The following SLC16A7 variants were observed in gnomAD, a reference collection of about 807,000 sequenced individuals.
SLC16A7 encodes the protein solute carrier family 16 member 7, also known as monocarboxylate transporter 2.
In SLC16A7, 33 loss-of-function variants were observed where a neutral mutation model predicts 34.9. The observed-to-expected ratio is 0.94, with a 90% CI of 0.72 to 1.26. The LOEUF (loss-of-function observed/expected upper bound fraction) is 1.26, where lower values mean the gene tolerates loss of function less well. Among genes scored for constraint, SLC16A7 ranks in the 50% most tolerant of loss-of-function variants. SLC16A7 has a pLI of 0.00. For missense variants in SLC16A7, 573 were observed against 578.1 expected (o/e 0.99, Z 0.09); for synonymous variants, 201 against 206.6 (o/e 0.97, Z 0.23).
chr12:59,772,709 A>G (rs1230555715), intron 4 of SLC16A7, among the ~76,000 whole-genome samples: 4 of 152,194 alleles, frequency 2.6e-5, no homozygotes, highest in African/African-American at 9.6e-5. Flanking sequence ...AATTAGATAA[A>G]TAATAGCTCT....
At chr12:59,638,105 G>A (rs1013726715) in intron 1 of SLC16A7, among the ~76,000 whole-genome samples, 2 of 152,036 alleles carry the variant, frequency 1.3e-5, no homozygotes, top group African/African-American at 2.4e-5. Flanking sequence ...CTGTCTATTC[G>A]ATAAAGAATA....
At chr12:59,751,866 C>T (rs1404484883) in intron 3 of SLC16A7, among the ~76,000 whole-genome samples, 3 of 152,148 alleles carry the variant, frequency 2.0e-5, no homozygotes, top group African/African-American at 7.2e-5. Flanking sequence ...GCAGTTGGGG[C>T]AGACTGACAC....
chr12:59,720,011 C>A, intron 3 of SLC16A7: 1 of 676,230 alleles, frequency 1.5e-6, no homozygotes, highest in South Asian at 1.6e-5. Context: ...CTTTGAATCT[C>A]ATGTTTTTGT....
intron 1 of SLC16A7, among the ~76,000 whole-genome samples, chr12:59,610,433 T>C (rs570409043): frequency 6.6e-6 from 1 of 152,362 alleles, no homozygotes; most frequent in African/African-American, 2.4e-5. Flanking sequence ...CAGATAATTA[T>C]TGAATTAGGG....
Position 59,777,648 on chromosome 12 carries a change from ATTTT to A in SLC16A7, c.1181-1772_1181-1769del, listed in dbSNP as rs999298896. ...TAATCCTTAAAATATTTCTTTTATT[ATTTT>A]TTATTTTATTATTATTAGACTTTAA... On this transcript the variant is annotated intron_variant, in intron 5 of 5. Transcript: ENST00000547379. 9.4e-4 allele frequency among the ~76,000 whole-genome samples: 142 copies of A among 150,790 alleles called. 1 individual carries two copies. The highest frequency in any genetic ancestry group is 1.8e-3 in the Non-Finnish European group (121 of 67,664).
Position 59,703,076 on chromosome 12 carries a change from C to T in SLC16A7, c.-30-1696C>T, listed in dbSNP as rs766513828. Among the ~76,000 whole-genome samples, 193 of 152,092 alleles carry T rather than the reference C, an allele frequency of 1.3e-3. 1 individual carries two copies. The highest frequency in any genetic ancestry group is 2.2e-3 in the Non-Finnish European group (152 of 67,938). ...GTACACAGTATTTATTGAGTGAGAT[C>T]CCCTTATCCATTTTTGTATACCTAT... On this transcript the variant is annotated intron_variant, in intron 2 of 5. Coordinates refer to ENST00000547379, the MANE Select transcript of SLC16A7 (RefSeq NM_001270623.2).
intron 2 of SLC16A7, among the ~76,000 whole-genome samples, chr12:59,685,407 G>GTT (rs1170888484): frequency 2.0e-5 from 3 of 152,042 alleles, no homozygotes; most frequent in Non-Finnish European, 4.4e-5. Flanking sequence ...ACATTAATGG[G>GTT]TTTTTTTGAT....
intron 3 of SLC16A7, among the ~76,000 whole-genome samples, chr12:59,709,823 A>T (rs747069737): frequency 1.3e-5 from 2 of 151,466 alleles, no homozygotes; most frequent in Non-Finnish European, 2.9e-5. Context: ...GCATCCATGC[A>T]CTCCTCTATA....
chr12:59,632,373 A>G (rs1196494754), intron 1 of SLC16A7, among the ~76,000 whole-genome samples: 1 of 151,914 alleles, frequency 6.6e-6, no homozygotes, highest in African/African-American at 2.4e-5. Flanking sequence ...GTGTTTCTCA[A>G]CCTCAGCACT....
In SLC16A7 at chr12:59,602,479, CTTTTTTTTTTTT is replaced by C. The variant is rs34035713; in HGVS notation, c.-130+6254_-130+6265del. Among the ~76,000 whole-genome samples, 111 of 80,276 alleles carry C rather than the reference CTTTTTTTTTTTT, an allele frequency of 1.4e-3. 1 individual carries two copies. Among genetic ancestry groups the C allele is most frequent in the Admixed American group, 9.6e-4 (6 of 6,266 alleles). 52.7% of individuals were successfully genotyped at this position (80,276 alleles called of 152,430 possible). On this transcript the variant is annotated intron_variant, in intron 1 of 5. Coordinates refer to ENST00000547379, the MANE Select transcript of SLC16A7 (RefSeq NM_001270623.2). ...TGTCTTCCCCAGTTTGTGTTTTGGG[CTTTTTTTTTTTT>C]TTTTTTTTTTGAGACAGGGTTTCAC...
intron 2 of SLC16A7, among the ~76,000 whole-genome samples, chr12:59,693,092 A>G (rs1871868927): frequency 1.3e-5 from 2 of 152,120 alleles, no homozygotes; most frequent in South Asian, 4.1e-4. Flanking sequence ...ATAATATAAT[A>G]TAACTTATAA....
intron 2 of SLC16A7, among the ~76,000 whole-genome samples, chr12:59,682,503 G>A (rs1870820398): frequency 6.6e-6 from 1 of 152,112 alleles, no homozygotes; most frequent in South Asian, 2.1e-4. Flanking sequence ...TTTAGATTTG[G>A]AAAGAGACAT....
intron 2 of SLC16A7, among the ~76,000 whole-genome samples, chr12:59,698,039 GCAA>G (rs1341332113): frequency 6.6e-6 from 1 of 151,670 alleles, no homozygotes; most frequent in East Asian, 1.9e-4. Flanking sequence ...TTATTTGAAG[GCAA>G]CAATATTGTA....
intron 3 of SLC16A7, among the ~76,000 whole-genome samples, chr12:59,750,780 G>A (rs976018209): frequency 2.2e-4 from 33 of 152,192 alleles, no homozygotes; most frequent in African/African-American, 7.5e-4. Context: ...CTGTAGCACT[G>A]TTCACAATAG....
chr12:59,601,449 C>G lies in SLC16A7; in HGVS notation c.-130+5213C>G, dbSNP rs868198099. 5.6e-4 allele frequency among the ~76,000 whole-genome samples: 86 copies of G among 152,224 alleles called. No homozygotes were observed. In the Middle Eastern group the frequency reaches 0.01, roughly 18 times the overall value. ...TTCAAAATTTCTAGGATTTGAAGTT[C>G]CATCAGTTCTTCTCAAATATGTGAA... On this transcript the variant is annotated intron_variant, in intron 1 of 5. Coordinates refer to ENST00000547379, the MANE Select transcript of SLC16A7 (RefSeq NM_001270623.2).
intron 2 of SLC16A7, among the ~76,000 whole-genome samples, chr12:59,671,668 C>G (rs967143959): frequency 7.2e-6 from 1 of 139,636 alleles, no homozygotes; most frequent in African/African-American, 2.7e-5. Context: ...TTCTCTCTCT[C>G]TCTCTCTCTC....
chr12:59,642,593 G>A (rs1880734559), intron 1 of SLC16A7, among the ~76,000 whole-genome samples: 1 of 152,042 alleles, frequency 6.6e-6, no homozygotes, highest in Non-Finnish European at 1.5e-5. Context: ...AGATGGATCT[G>A]ATTCTTCATG....
At chr12:59,691,232 TA>T (rs1871610871) in intron 2 of SLC16A7, among the ~76,000 whole-genome samples, 1 of 152,022 alleles carries the variant, frequency 6.6e-6, no homozygotes, top group South Asian at 2.1e-4. Context: ...ATAGAAAGTT[TA>T]TTTGGACCAA....
chr12:59,677,069 T>G (rs1038723946), intron 2 of SLC16A7, among the ~76,000 whole-genome samples: 1 of 152,178 alleles, frequency 6.6e-6, no homozygotes, highest in African/African-American at 2.4e-5. Flanking sequence ...GTGTATGTGT[T>G]TTTTCTTATA....
Sources: gnomAD v4.1 joint callset for allele counts (sites outside exome capture counted in the v4.1 genomes callset) on GRCh38, gnomAD v4.1.1 for gene constraint, MANE v1.5 for transcripts, NCBI Gene and HGNC (gene_info 2026-07-23, HGNC 2026-07-21) for gene names.